The following GK variants were observed in gnomAD, a reference collection of about 807,000 sequenced individuals.
GK encodes ATP:glycerol 3-phosphotransferase.
A neutral mutation model predicts 56.4 loss-of-function variants in GK; 9 were observed. That is an observed-to-expected ratio of 0.16 (90% CI 0.10 to 0.28). GK has a LOEUF of 0.28. GK is among the 10% of genes least tolerant of loss of function. GK has a pLI of 1.00. For missense variants in GK, 161 were observed against 431.4 expected (o/e 0.37, Z 5.55); for synonymous variants, 104 against 144.1 (o/e 0.72, Z 1.99).
At chrX:30,678,018 T>G (rs913364623) in intron 4 of GK, 1 of 546,754 alleles carries the variant, frequency 1.8e-6, no homozygotes, top group African/African-American at 2.2e-5. Context: ...GAGTGAATGT[T>G]TGCCAAATTG....
intron 3 of GK, among the ~76,000 whole-genome samples, chrX:30,674,935 T>C (rs1000199206): frequency 5.6e-4 from 63 of 111,875 alleles, no homozygotes; most frequent in Non-Finnish European, 9.8e-4. Context: ...TGTGTTTTAT[T>C]CTGGACGTAC....
At chrX:30,694,198 C>T (rs759459572) in intron 5 of GK, among the ~76,000 whole-genome samples, 15 of 112,054 alleles carry the variant, frequency 1.3e-4, no homozygotes, top group African/African-American at 4.9e-4. Flanking sequence ...GCCCTTTGAA[C>T]TGTAAACATG....
In GK at chrX:30,729,617, G is replaced by A. The variant is rs751131261; in HGVS notation, c.*875G>A. ...CAGCTGTATACATTTTTGGGCAACG[G>A]TTATGCATAATATTTACCAGGAGAA... On this transcript the variant is annotated 3_prime_UTR_variant, in exon 21 of 21. Transcript: ENST00000427190. The A allele has an allele frequency of 5.1e-4, 57 of 111,763 alleles. 1 individual carries two copies. The highest frequency in any genetic ancestry group is 1.8e-3 in the African/African-American group (55 of 30,949). 9.2% of individuals were successfully genotyped at this position (111,763 alleles called of 1,213,427 possible).
intron 15 of GK, among the ~76,000 whole-genome samples, 189 bp from the exon 16 acceptor site, chrX:30,719,821 GT>G (rs1936814060): frequency 8.9e-6 from 1 of 111,784 alleles, no homozygotes; most frequent in African/African-American, 3.2e-5. Flanking sequence ...TTTCAAATGT[GT>G]CATGAATTTT....
At chrX:30,699,854 T>C (rs1216795487) in intron 9 of GK, 1 of 112,003 alleles carries the variant, frequency 8.9e-6, no homozygotes, top group Non-Finnish European at 1.9e-5. Context: ...AACTGTTGCT[T>C]ATCTAAATTT....
At chrX:30,723,830 C>T in intron 18 of GK, 1 of 344,311 alleles carries the variant, frequency 2.9e-6, no homozygotes, top group Admixed American at 4.5e-5. Context: ...CCTCCCTCCT[C>T]ACCCTCCCAA....
chrX:30,719,448 T>C lies in GK; in HGVS notation c.1084T>C (p.Tyr362His), dbSNP rs763413702. 2.7e-5 allele frequency: 32 copies of C among 1,190,402 alleles called. No homozygotes were observed. Among genetic ancestry groups the C allele is most frequent in the Non-Finnish European group, 3.4e-5 (30 of 878,044 alleles). ...ACTTGCTAAAGAAGTAGGTACTTCT[T>C]ATGGCTGCTACTTCGTCCCAGCATT... Reference protein sequence around the residue: ...EKLAKEVGTSYGCYFVPAFSG... With the variant: ...EKLAKEVGTSHGCYFVPAFSG... Residue 362 changes from tyrosine (Y) to histidine (H), a missense_variant, in exon 15 of 21, where the codon TAT (tyrosine) becomes CAT (histidine). By Grantham distance (83) the Tyr-to-His change is moderately conservative. Transcript: ENST00000427190.
chrX:30,698,399 C>T (rs1042404587), intron 9 of GK: 4 of 112,020 alleles, frequency 3.6e-5, no homozygotes, highest in African/African-American at 1.3e-4. Context: ...AGAATATATA[C>T]AGTAAATGAA....
At chrX:30,683,614 A>T (rs769526028) in intron 4 of GK, among the ~76,000 whole-genome samples, 41 of 112,216 alleles carry the variant, frequency 3.7e-4, no homozygotes, top group Admixed American at 1.0e-3. Flanking sequence ...GTGTTTGTTT[A>T]TTGACATCTT....
At chrX:30,663,995 T>G (rs183285339) in intron 1 of GK, among the ~76,000 whole-genome samples, 15,520 of 76,724 alleles carry the variant, frequency 0.2, 131 homozygotes, top group East Asian at 0.23. Context: ...TATATATATT[T>G]TATAGATATA....
Position 30,684,152 on chromosome X carries a change from G to C in GK, c.337+6700G>C, listed in dbSNP as rs765582839. On this transcript the variant is annotated intron_variant, in intron 4 of 20. Transcript: ENST00000427190. ...TAGTTAAAATGTGAAGCGGGAGAAG[G>C]CTTGAATCAGTGATGTTTAGTATGT... Among the ~76,000 whole-genome samples the C allele has an allele frequency of 2.7e-5, 3 of 112,225 alleles. No individual in the cohort carries two copies. In the South Asian group the frequency reaches 1.1e-3, roughly 41 times the overall value.
At chrX:30,655,907 T>C (rs969547927) in intron 1 of GK, among the ~76,000 whole-genome samples, 3 of 112,102 alleles carry the variant, frequency 2.7e-5, no homozygotes, top group African/African-American at 9.7e-5. Context: ...GTTTACTGGG[T>C]TCTGTGAGGC....
intron 3 of GK, among the ~76,000 whole-genome samples, chrX:30,672,528 A>G (rs1022409589): frequency 8.9e-6 from 1 of 112,233 alleles, no homozygotes; most frequent in Non-Finnish European, 1.9e-5. Flanking sequence ...AAAAAGTTTT[A>G]TCAGGCCGGG....
intron 4 of GK, among the ~76,000 whole-genome samples, chrX:30,683,973 C>T (rs1934438133): frequency 8.9e-6 from 1 of 111,870 alleles, no homozygotes; most frequent in Admixed American, 9.5e-5. Context: ...TCAATATTCC[C>T]TTCCACGGGG....
chrX:30,716,134 A>G (rs1181776002), intron 13 of GK, among the ~76,000 whole-genome samples: 2 of 112,158 alleles, frequency 1.8e-5, no homozygotes, highest in Non-Finnish European at 3.8e-5. Flanking sequence ...CCTAGAGTAT[A>G]AAGTCCCACC....
chrX:30,695,005 C>G (rs1350027854), intron 6 of GK: 2 of 281,929 alleles, frequency 7.1e-6, no homozygotes, highest in African/African-American at 5.6e-5. Context: ...ATCTTTTTGC[C>G]TAAGCTGAAT....
At chrX:30,709,028 A>G (rs765328872) in intron 13 of GK, among the ~76,000 whole-genome samples, 5 of 111,725 alleles carry the variant, frequency 4.5e-5, no homozygotes, top group African/African-American at 1.6e-4. Context: ...CTCCTTTTCT[A>G]TGGATGGAAG....
intron 3 of GK, among the ~76,000 whole-genome samples, chrX:30,669,244 A>G (rs1480677633): frequency 2.0e-5 from 2 of 101,838 alleles, no homozygotes; most frequent in Non-Finnish European, 4.0e-5. Context: ...GTGCAGTGGC[A>G]TGATCTCGGC....
At chrX:30,670,307 G>A (rs1378953058) in intron 3 of GK, among the ~76,000 whole-genome samples, 2 of 112,197 alleles carry the variant, frequency 1.8e-5, no homozygotes, top group African/African-American at 3.2e-5. Context: ...TACAGGTAAG[G>A]TAGGTTGTGA....
Sources: allele counts gnomAD v4.1 joint callset (sites outside exome capture counted in the v4.1 genomes callset), GRCh38; gene constraint gnomAD v4.1.1; transcripts MANE v1.5; gene names NCBI Gene and HGNC (gene_info 2026-07-23, HGNC 2026-07-21).